The following DCHS2 variants were observed in gnomAD, a reference collection of about 807,000 sequenced individuals.
DCHS2 encodes the protein protocadherin-23.
A neutral mutation model predicts 182.4 loss-of-function variants in DCHS2; 142 were observed. The observed-to-expected ratio is 0.78, with a 90% CI of 0.68 to 0.89. DCHS2 has a LOEUF of 0.89. Among genes scored for constraint, DCHS2 ranks in the 40% least tolerant of loss-of-function variants. The probability of loss-of-function intolerance (pLI) is 0.00; values close to 1 mark genes in which losing one functional copy is unlikely to be tolerated. For synonymous variants in DCHS2, 1,740 were observed against 1,663.3 expected (o/e 1.05, Z -1.12); for missense variants, 4,319 against 4,198.6 (o/e 1.03, Z -0.79).
At chr4:154,415,049 C>T (rs1732780322) in intron 1 of DCHS2, among the ~76,000 whole-genome samples, 1 of 152,204 alleles carries the variant, frequency 6.6e-6, no homozygotes, top group Non-Finnish European at 1.5e-5. Context: ...TCCTCTTTAG[C>T]AGCTGTTCAA....
At chr4:154,484,884 A>G (rs750672553) in intron 1 of DCHS2, among the ~76,000 whole-genome samples, 1 of 152,210 alleles carries the variant, frequency 6.6e-6, no homozygotes, top group African/African-American at 2.4e-5. Flanking sequence ...TCTTTTGGAG[A>G]TGATCATACC....
intron 12 of DCHS2, among the ~76,000 whole-genome samples, chr4:154,301,142 T>C (rs1735181964): frequency 6.6e-6 from 1 of 152,146 alleles, no homozygotes; most frequent in Non-Finnish European, 1.5e-5. Flanking sequence ...CTCACCCAAA[T>C]AAATGGCTGC....
At chr4:154,396,842 C>G (rs928521649) in intron 1 of DCHS2, among the ~76,000 whole-genome samples, 4 of 152,192 alleles carry the variant, frequency 2.6e-5, no homozygotes, top group Non-Finnish European at 5.9e-5. Flanking sequence ...CAGATGCCCG[C>G]AGCTGAGGTA....
chr4:154,381,243 C>T (rs752627318), intron 1 of DCHS2, among the ~76,000 whole-genome samples: 6 of 152,038 alleles, frequency 3.9e-5, no homozygotes, highest in Non-Finnish European at 5.9e-5. Context: ...TAAACTTCTT[C>T]CAACTCAGAA....
intron 1 of DCHS2, among the ~76,000 whole-genome samples, chr4:154,433,222 C>G (rs1733627664): frequency 6.6e-6 from 1 of 151,934 alleles, no homozygotes; most frequent in Admixed American, 6.6e-5. Flanking sequence ...AATGATGCAG[C>G]CACAAGCCAA....
chr4:154,266,722 G>A (rs1733288360), intron 14 of DCHS2, among the ~76,000 whole-genome samples: 1 of 151,406 alleles, frequency 6.6e-6, no homozygotes, highest in Non-Finnish European at 1.5e-5. Context: ...TTATAATCCT[G>A]TGATCATATG....
intron 1 of DCHS2, among the ~76,000 whole-genome samples, chr4:154,458,831 T>C (rs778913467): frequency 6.6e-6 from 1 of 152,174 alleles, no homozygotes. Flanking sequence ...TCAAATACTG[T>C]CCTCTAAGGT....
chr4:154,254,801 C>T (rs1015028768), intron 16 of DCHS2, among the ~76,000 whole-genome samples: 2 of 152,036 alleles, frequency 1.3e-5, no homozygotes, highest in African/African-American at 2.4e-5. Context: ...TGTGCCACTA[C>T]ACTCCAGTCT....
intron 14 of DCHS2, among the ~76,000 whole-genome samples, chr4:154,269,649 C>G (rs1008773665): frequency 1.3e-5 from 2 of 152,048 alleles, no homozygotes; most frequent in Non-Finnish European, 2.9e-5. Context: ...TAAGTGGAAG[C>G]TAATTTATCT....
rs1199527499 is a variant in DCHS2 at position 154,489,721 on chromosome 4, C to G, written c.1635G>C (p.Lys545Asn). ...QPPLFSQQHY[K>N]ASVSEAAAPG... ...GGGCCGCGGCCTCGGACACTGAGGC[C>G]TTGTAATGCTGTTGGCTGAAGAGAG... The change falls in exon 1 of 20, where the codon AAG (lysine) becomes AAC (asparagine). Residue 545 changes from lysine to asparagine, a missense_variant. Physicochemically the swap from Lys to Asn is moderately conservative, Grantham distance 94 (BLOSUM62 0). Transcript: ENST00000357232. The G allele has an allele frequency of 2.6e-6, 4 of 1,551,618 alleles. No homozygotes were observed. The highest frequency in any genetic ancestry group is 3.5e-6 in the Non-Finnish European group (4 of 1,146,940).
chr4:154,333,817 T>A, intron 4 of DCHS2: 1 of 326,564 alleles, frequency 3.1e-6, no homozygotes, highest in Non-Finnish European at 5.7e-6. Flanking sequence ...TCCAGGTTCG[T>A]GTGAGTACAC....
intron 15 of DCHS2, among the ~76,000 whole-genome samples, chr4:154,257,608 A>C (rs1732754900): frequency 6.6e-6 from 1 of 152,180 alleles, no homozygotes; most frequent in Non-Finnish European, 1.5e-5. Flanking sequence ...GGACTGCATC[A>C]ACAGAGGGTC....
At chr4:154,401,057 CCTCCTCCCAGT>C (rs1732155833) in intron 1 of DCHS2, among the ~76,000 whole-genome samples, 1 of 152,218 alleles carries the variant, frequency 6.6e-6, no homozygotes, top group Non-Finnish European at 1.5e-5. Flanking sequence ...CTTCCTTGTT[CCTCCTCCCAGT>C]CACTCCCACG....
chr4:154,259,836 GT>G, intron 14 of DCHS2, 80 bp from the exon 15 acceptor site: 1 of 1,395,598 alleles, frequency 7.2e-7, no homozygotes. Context: ...TATTTATTTA[GT>G]TTTGAGACAG....
At chr4:154,384,326 T>C (rs1439823633) in intron 1 of DCHS2, 2 of 1,594,078 alleles carry the variant, frequency 1.3e-6, no homozygotes, top group Non-Finnish European at 8.5e-7. Flanking sequence ...TCAGACACCA[T>C]GTTATGGCCC....
rs368291883 is a variant in DCHS2 at position 154,234,734 on chromosome 4, C to T, written c.9918G>A (p.Pro3306=). Residue 3306 remains proline (P), a synonymous_variant, in exon 20 of 20, where the codon CCG becomes CCA. Coordinates refer to ENST00000357232, the MANE Select transcript of DCHS2 (RefSeq NM_001358235.2). The part of the protein sequence containing the change: ...MPAVNLGQVP[P]KHPRSPIPYH... ...AGGGGATGGGAGAGCGTGGGTGTTT[C>T]GGAGGCACCTGCCCCAGGTTTACTG... is the stretch of plus-strand genomic sequence containing the variant. 49 of 1,613,332 alleles carry T rather than the reference C, an allele frequency of 3.0e-5. No homozygotes were observed. The East Asian group carries it at 4.2e-4, about 14-fold the overall frequency.
At chr4:154,240,324 A>C (rs1322152479) in intron 18 of DCHS2, among the ~76,000 whole-genome samples, 1 of 145,834 alleles carries the variant, frequency 6.9e-6, no homozygotes, top group Non-Finnish European at 1.5e-5. Context: ...AAAAAAAAAT[A>C]CATATGTAGT....
At chr4:154,337,897 T>C (rs975223575) in intron 3 of DCHS2, among the ~76,000 whole-genome samples, 1 of 152,080 alleles carries the variant, frequency 6.6e-6, no homozygotes, top group East Asian at 1.9e-4. Flanking sequence ...CGTATCACCA[T>C]GCCCGGCTAA....
chr4:154,456,621 G>A (rs1483298260), intron 1 of DCHS2, among the ~76,000 whole-genome samples: 1 of 152,130 alleles, frequency 6.6e-6, no homozygotes, highest in Non-Finnish European at 1.5e-5. Flanking sequence ...GGAATTACAG[G>A]CACAAAAGAA....
Sources: allele counts gnomAD v4.1 joint callset (sites outside exome capture counted in the v4.1 genomes callset), GRCh38; gene constraint gnomAD v4.1.1; transcripts MANE v1.5; gene names NCBI Gene and HGNC (gene_info 2026-07-23, HGNC 2026-07-21).